The following MTRF1 variants were observed in gnomAD, a reference collection of about 807,000 sequenced individuals.
MTRF1 encodes the protein mitochondrial translation release factor 1, also known as peptide chain release factor 1, mitochondrial.
MTRF1 carries 51 observed loss-of-function variants against 62.9 expected under a neutral mutation model. The ratio of observed to expected loss-of-function variants is 0.81; its 90% CI spans 0.65 to 1.02. The LOEUF (loss-of-function observed/expected upper bound fraction) is 1.02. MTRF1 is among the 50% of genes least tolerant of loss of function. The pLI is 0.00. For missense variants in MTRF1, 446 were observed against 530.0 expected, an observed-to-expected ratio of 0.84 and a Z score of 1.56; for synonymous variants, 158 against 181.9, an observed-to-expected ratio of 0.87 and a Z score of 1.06.
At chr13:41,308,857 T>A in the MTRF1 span, among the ~76,000 whole-genome samples, 2 of 152,232 alleles carry the variant, frequency 1.3e-5, no homozygotes, top group Admixed American at 6.5e-5. Flanking sequence ...GGTAGTTTTT[T>A]AATCTTCACC....
chr13:41,307,291 C>T, the MTRF1 span, among the ~76,000 whole-genome samples: 1 of 152,098 alleles, frequency 6.6e-6, no homozygotes, highest in South Asian at 2.1e-4. Flanking sequence ...CCTTGCTGTT[C>T]TCATGATAGT....
chr13:41,233,952 C>T lies in MTRF1; in HGVS notation c.926G>A (p.Gly309Glu), dbSNP rs2036037779. ...DLRIDTFRAK[G>E]AGGQHVNKTD... ...TTTATTAACATGCTGCCCTCCTGCT[C>T]CTTTGGCTCGAAATGTATCTATTCG... Residue 309 changes from glycine to glutamate, a missense_variant, in exon 7 of 10, where the codon GGA becomes GAA. Transcript: ENST00000379480. The T allele has an allele frequency of 1.9e-6, 3 of 1,614,160 alleles. No homozygotes were observed. In the East Asian group the frequency reaches 6.7e-5, roughly 36 times the overall value.
the MTRF1 span, among the ~76,000 whole-genome samples, chr13:41,294,903 C>T: frequency 3.2e-4 from 48 of 152,104 alleles, no homozygotes; most frequent in East Asian, 8.9e-3. Context: ...ATTTTGGTTC[C>T]CTATGTTAGA....
the MTRF1 span, chr13:41,311,329 C>G: frequency 5.1e-6 from 3 of 589,372 alleles, no homozygotes; most frequent in Non-Finnish European, 8.9e-6. Context: ...GGAAGCGTGT[C>G]CTGCTCAGAC....
chr13:41,251,204 G>A (rs2039015320), intron 5 of MTRF1, among the ~76,000 whole-genome samples: 1 of 152,104 alleles, frequency 6.6e-6, no homozygotes, highest in Non-Finnish European at 1.5e-5. Flanking sequence ...ATCCTTTGCA[G>A]GTCTCTGACA....
At chr13:41,219,454 T>C (rs2032736647) in intron 9 of MTRF1, among the ~76,000 whole-genome samples, 1 of 152,172 alleles carries the variant, frequency 6.6e-6, no homozygotes, top group South Asian at 2.1e-4. Context: ...CAAAGATGAA[T>C]GAGTCATAGT....
chr13:41,264,564 G>C (rs932499362), upstream of MTRF1, among the ~76,000 whole-genome samples: 1 of 152,156 alleles, frequency 6.6e-6, no homozygotes, highest in African/African-American at 2.4e-5. Flanking sequence ...CACATACATA[G>C]ATAGGAGAAT....
At chr13:41,226,626 C>G (rs2034478332) in intron 7 of MTRF1, 58 bp from the exon 8 acceptor site, 6 of 1,579,904 alleles carry the variant, frequency 3.8e-6, no homozygotes, top group Non-Finnish European at 4.3e-6. Context: ...TAAGATAGAA[C>G]CAAGGAACAG....
chr13:41,274,359 T>G, the MTRF1 span, among the ~76,000 whole-genome samples: 1 of 152,208 alleles, frequency 6.6e-6, no homozygotes, highest in African/African-American at 2.4e-5. Context: ...GAAAACACAC[T>G]TTCAAACTTA....
the MTRF1 span, among the ~76,000 whole-genome samples, chr13:41,305,265 C>G: frequency 6.6e-6 from 1 of 152,094 alleles, no homozygotes; most frequent in Non-Finnish European, 1.5e-5. Context: ...ACTATGTTGT[C>G]CAGGTTGGTT....
chr13:41,226,083 G>C (rs184077872), intron 8 of MTRF1, among the ~76,000 whole-genome samples: 2 of 152,078 alleles, frequency 1.3e-5, no homozygotes, highest in African/African-American at 4.8e-5. Context: ...TATAGTACAA[G>C]CATAGGTTTT....
upstream of MTRF1, among the ~76,000 whole-genome samples, chr13:41,264,607 A>G (rs1232672202): frequency 6.6e-6 from 1 of 152,254 alleles, no homozygotes; most frequent in African/African-American, 2.4e-5. Context: ...TCTAACGTTT[A>G]TAGCCAACTT....
At chr13:41,294,071 T>C in the MTRF1 span, among the ~76,000 whole-genome samples, 1 of 152,104 alleles carries the variant, frequency 6.6e-6, no homozygotes. Context: ...ATTCTGTATA[T>C]AAAGAGTACA....
chr13:41,276,504 C>T, the MTRF1 span, among the ~76,000 whole-genome samples: 1 of 152,278 alleles, frequency 6.6e-6, no homozygotes, highest in East Asian at 1.9e-4. Flanking sequence ...TACCATGTGC[C>T]AAGCACTCTG....
intron 2 of MTRF1, chr13:41,257,840 T>A: frequency 2.3e-6 from 1 of 428,174 alleles, no homozygotes; most frequent in Non-Finnish European, 4.8e-6. Flanking sequence ...TCATATATCC[T>A]ACCTCATAAG....
At chr13:41,275,972 C>T in the MTRF1 span, among the ~76,000 whole-genome samples, 1 of 152,096 alleles carries the variant, frequency 6.6e-6, no homozygotes, top group Non-Finnish European at 1.5e-5. Context: ...CCATTGTACG[C>T]AATTTGCATT....
chr13:41,230,726 CTTTT>C (rs571291052), intron 7 of MTRF1, among the ~76,000 whole-genome samples: 2 of 144,516 alleles, frequency 1.4e-5, no homozygotes, highest in African/African-American at 2.5e-5. Flanking sequence ...GATGGTTTCC[CTTTT>C]TTTTTTTTTG....
intron 7 of MTRF1, among the ~76,000 whole-genome samples, chr13:41,228,004 T>C (rs1371537941): frequency 6.6e-6 from 1 of 152,242 alleles, no homozygotes; most frequent in Non-Finnish European, 1.5e-5. Context: ...ACATTTCCAT[T>C]TTAAGACGGC....
At chr13:41,245,004 C>T (rs73179126) in intron 5 of MTRF1, among the ~76,000 whole-genome samples, 1 of 152,090 alleles carries the variant, frequency 6.6e-6, no homozygotes, top group African/African-American at 2.4e-5. Context: ...ATCTTTTTGC[C>T]TATCAACAAT....
Sources: allele counts gnomAD v4.1 joint callset (sites outside exome capture counted in the v4.1 genomes callset), GRCh38; gene constraint gnomAD v4.1.1; transcripts MANE v1.5; gene names NCBI Gene and HGNC (gene_info 2026-07-23, HGNC 2026-07-21).